The following CDK12 variants were observed in gnomAD, a reference collection of about 807,000 sequenced individuals.
CDK12 encodes the protein cyclin-dependent kinase 12.
Under a neutral mutation model 133.8 loss-of-function variants are expected in CDK12, and 17 were observed. The ratio of observed to expected loss-of-function variants is 0.13; its 90% CI spans 0.09 to 0.19. The LOEUF (loss-of-function observed/expected upper bound fraction) is 0.19. Ranked by LOEUF, CDK12 falls within the 10% of genes least tolerant of loss-of-function variation. CDK12 has a pLI of 1.00. For synonymous variants in CDK12, 694 were observed against 683.6 expected, an observed-to-expected ratio of 1.02 and a Z score of -0.24; for missense variants, 1,508 against 1,818.7, an observed-to-expected ratio of 0.83 and a Z score of 3.11.
intron 3 of CDK12, among the ~76,000 whole-genome samples, chr17:39,491,264 T>C (rs1188806055): frequency 6.6e-6 from 1 of 152,132 alleles, no homozygotes; most frequent in Non-Finnish European, 1.5e-5. Context: ...GAGACAGAGT[T>C]GCGTTCTTTG....
chr17:39,477,371 G>A (rs895366897), intron 2 of CDK12, among the ~76,000 whole-genome samples: 4 of 151,704 alleles, frequency 2.6e-5, no homozygotes, highest in African/African-American at 7.3e-5. Context: ...AAGTAGCTGG[G>A]ACTACAGGCG....
intron 1 of CDK12, among the ~76,000 whole-genome samples, chr17:39,466,172 G>A (rs1192347964): frequency 6.6e-6 from 1 of 151,856 alleles, no homozygotes; most frequent in South Asian, 2.1e-4. Flanking sequence ...GCCAGGCGTG[G>A]TGGCATGCAC....
At chr17:39,479,180 C>G (rs1257878506) in intron 2 of CDK12, among the ~76,000 whole-genome samples, 1 of 151,910 alleles carries the variant, frequency 6.6e-6, no homozygotes, top group Non-Finnish European at 1.5e-5. Context: ...TGGTGGCGGG[C>G]CCCTGTAGTC....
chr17:39,462,664 G>A lies in CDK12; in HGVS notation c.593G>A (p.Ser198Asn), dbSNP rs2144889863. ...CTGAAGTCTGGGCACAAAGACCGGA[G>A]TAAAAGTCATCGAAAAAGGGAAACA... ...RELKSGHKDR[S>N]KSHRKRETPK... Residue 198 changes from serine to asparagine, a missense_variant, in exon 1 of 14, where the codon AGT (serine) becomes AAT (asparagine). Ser to Asn is a conservative substitution (Grantham distance 46). Coordinates refer to ENST00000447079, the MANE Select transcript of CDK12 (RefSeq NM_016507.4). 6.2e-7 allele frequency: 1 copy of A among 1,614,114 alleles called. No homozygotes were observed. The highest frequency in any genetic ancestry group is 8.5e-7 in the Non-Finnish European group (1 of 1,180,024).
rs574272675 is a variant in CDK12 at position 39,508,110 on chromosome 17, T to C, written c.2610-1595T>C. Among the ~76,000 whole-genome samples, 14 of 152,322 alleles carry C rather than the reference T, an allele frequency of 9.2e-5. No homozygotes were observed. The East Asian group carries it at 2.5e-3, about 27-fold the overall frequency. On this transcript the variant is annotated intron_variant, in intron 6 of 13. Coordinates refer to ENST00000447079, the MANE Select transcript of CDK12 (RefSeq NM_016507.4). ...GGAATATTTACATTATACTTACTGG[T>C]TCTGAACATCCAAAATCTGAAATGT...
chr17:39,551,322 A>G (rs1414218313), intron 2 of CDK12, among the ~76,000 whole-genome samples: 2 of 152,158 alleles, frequency 1.3e-5, no homozygotes, highest in South Asian at 2.1e-4. Context: ...CTTGTTCCAG[A>G]GATCATCTTA....
intron 2 of CDK12, among the ~76,000 whole-genome samples, chr17:39,479,957 CTT>C (rs760792444): frequency 9.3e-5 from 13 of 140,366 alleles, no homozygotes; most frequent in East Asian, 6.5e-4. Context: ...GAGTTTTGCT[CTT>C]GTTGCCCAGG....
At chr17:39,529,254 T>A (rs1001542313) in intron 13 of CDK12, among the ~76,000 whole-genome samples, 1 of 152,174 alleles carries the variant, frequency 6.6e-6, no homozygotes, top group Non-Finnish European at 1.5e-5. Flanking sequence ...TGTACAACCT[T>A]ACAATTTTGT....
intron 6 of CDK12, among the ~76,000 whole-genome samples, chr17:39,505,323 G>A (rs540919452): frequency 1.3e-5 from 2 of 150,344 alleles, no homozygotes; most frequent in Non-Finnish European, 3.0e-5. Flanking sequence ...TCAAGAGATC[G>A]AGACCATCCT....
At chr17:39,514,993 T>C (rs987867069) in intron 8 of CDK12, among the ~76,000 whole-genome samples, 10 of 152,172 alleles carry the variant, frequency 6.6e-5, no homozygotes, top group Non-Finnish European at 1.5e-4. Flanking sequence ...CCCCCACTCT[T>C]TTAATCAGCA....
At chr17:39,562,008 C>T (rs1159473704) in intron 3 of CDK12, among the ~76,000 whole-genome samples, 1 of 152,120 alleles carries the variant, frequency 6.6e-6, no homozygotes, top group Non-Finnish European at 1.5e-5. Context: ...GGCGCGATCT[C>T]GGCTCACTGC....
intron 4 of CDK12, among the ~76,000 whole-genome samples, chr17:39,494,284 G>A (rs1254134485): frequency 6.6e-6 from 1 of 152,128 alleles, no homozygotes; most frequent in Non-Finnish European, 1.5e-5. Context: ...CGTTGGCTAG[G>A]CTGGTCTCGA....
At chr17:39,485,777 T>C (rs530732490) in intron 2 of CDK12, among the ~76,000 whole-genome samples, 1 of 151,118 alleles carries the variant, frequency 6.6e-6, no homozygotes, top group African/African-American at 2.4e-5. Context: ...CTGCTTGGAA[T>C]GTTGTAGTGG....
chr17:39,525,409 T>C (rs2054436815), intron 12 of CDK12, among the ~76,000 whole-genome samples: 1 of 152,250 alleles, frequency 6.6e-6, no homozygotes, highest in African/African-American at 2.4e-5. Context: ...ACTCTTTTTC[T>C]GGTTCACTTT....
At chr17:39,493,292 G>A (rs191092215) in intron 4 of CDK12, among the ~76,000 whole-genome samples, 108 of 148,378 alleles carry the variant, frequency 7.3e-4, no homozygotes, top group Non-Finnish European at 1.2e-3. Flanking sequence ...TGTGAGCCAC[G>A]GCGCCAGGCC....
chr17:39,547,637 T>C (rs1017987475), upstream of CDK12: 1 of 152,168 alleles, frequency 6.6e-6, no homozygotes, highest in Non-Finnish European at 1.5e-5. Context: ...AACTACTAGG[T>C]GTTACTGTCT....
At chr17:39,482,775 G>A (rs2050818912) in intron 2 of CDK12, among the ~76,000 whole-genome samples, 1 of 151,188 alleles carries the variant, frequency 6.6e-6, no homozygotes, top group Non-Finnish European at 1.5e-5. Flanking sequence ...GCTGATCTTT[G>A]TATTTTTAGT....
At chr17:39,481,529 C>T (rs1220920982) in intron 2 of CDK12, among the ~76,000 whole-genome samples, 3 of 151,564 alleles carry the variant, frequency 2.0e-5, no homozygotes, top group Non-Finnish European at 4.4e-5. Flanking sequence ...AGGCTGGTCT[C>T]GAACTCCTGA....
rs183364688 is a variant in CDK12 at position 39,532,120 on chromosome 17, C to G, written c.*804C>G. On this transcript the variant is annotated 3_prime_UTR_variant, in exon 14 of 14. Transcript: ENST00000447079. ...TCTCTCTTTCTCTCTCTCTCTCTCT[C>G]TCTCTCTCTCTCTCTCTCTCTCTGT... 2.3e-5 allele frequency: 5 copies of G among 216,644 alleles called. No homozygotes were observed. The highest frequency in any genetic ancestry group is 4.7e-5 in the Non-Finnish European group (5 of 106,532). The allele number at this position is 216,644 out of a possible 1,614,324, so 13.4% of individuals were successfully genotyped here. A position where few individuals can be genotyped will look rare whatever the true frequency, so the allele number is the denominator to read the frequency against.
Sources: gnomAD v4.1 joint callset for allele counts (sites outside exome capture counted in the v4.1 genomes callset) on GRCh38, gnomAD v4.1.1 for gene constraint, MANE v1.5 for transcripts, NCBI Gene and HGNC (gene_info 2026-07-23, HGNC 2026-07-21) for gene names.